The following PCNX1 variants were observed in gnomAD, a reference collection of about 807,000 sequenced individuals.
The protein encoded by PCNX1 is pecanex 1.
Under a neutral mutation model 242.2 loss-of-function variants are expected in PCNX1, and 78 were observed. The observed-to-expected ratio is 0.32, with a 90% CI of 0.27 to 0.39. The LOEUF (loss-of-function observed/expected upper bound fraction) is 0.39. Ranked by LOEUF, PCNX1 falls within the 10% of genes least tolerant of loss-of-function variation. PCNX1 has a pLI of 1.00. For missense variants in PCNX1, 2,581 were observed against 2,856.5 expected (o/e 0.90, Z 2.20); for synonymous variants, 1,024 against 1,032.9 (o/e 0.99, Z 0.17).
chr14:70,953,997 C>T (rs535138927), intron 2 of PCNX1, among the ~76,000 whole-genome samples: 9 of 152,238 alleles, frequency 5.9e-5, no homozygotes, highest in South Asian at 2.1e-4. Context: ...ATTTTCTACA[C>T]GGAGATCAGA....
At chr14:70,927,630 C>T (rs572207699) in intron 1 of PCNX1, among the ~76,000 whole-genome samples, 1 of 151,652 alleles carries the variant, frequency 6.6e-6, no homozygotes, top group Non-Finnish European at 1.5e-5. Context: ...CACTCTCTTG[C>T]CCAGGCTGGA....
chr14:71,071,055 A>T (rs772436566), intron 26 of PCNX1, among the ~76,000 whole-genome samples: 6 of 152,238 alleles, frequency 3.9e-5, no homozygotes, highest in African/African-American at 9.6e-5. Flanking sequence ...TTATGAAGAC[A>T]GCTTCTTTCC....
At chr14:71,030,040 A>T (rs2060338947) in intron 16 of PCNX1, among the ~76,000 whole-genome samples, 1 of 152,212 alleles carries the variant, frequency 6.6e-6, no homozygotes, top group South Asian at 2.1e-4. Flanking sequence ...ATACCTAGAA[A>T]TGGAATTAAC....
In PCNX1 at chr14:70,968,364, G is replaced by T. The variant is rs143384030; in HGVS notation, c.514+121G>T. The stretch of plus-strand genomic sequence containing the variant: ...AAATCATTCTTGAAATTCTTTTATA[G>T]ATAAAATTATTTATCTTATTAAAGG... On this transcript the variant is annotated intron_variant, in intron 4 of 35. Transcript: ENST00000304743. The T allele has an allele frequency of 9.1e-5, 54 of 591,420 alleles. No homozygotes were observed. In the Admixed American group the frequency reaches 1.7e-3, roughly 19 times the overall value. 36.6% of individuals were successfully genotyped at this position (591,420 alleles called of 1,614,324 possible).
At chr14:71,046,586 G>T (rs2060867397) in intron 20 of PCNX1, among the ~76,000 whole-genome samples, 1 of 151,890 alleles carries the variant, frequency 6.6e-6, no homozygotes. Flanking sequence ...AAATATTATT[G>T]GCAATGAAAG....
intron 19 of PCNX1, among the ~76,000 whole-genome samples, chr14:71,037,186 G>T (rs201711786): frequency 1.4e-3 from 209 of 149,638 alleles, no homozygotes; most frequent in Non-Finnish European, 2.4e-3. Flanking sequence ...AGGAGATTTT[G>T]GGCTGAGACA....
At position 71,026,100 on chromosome 14, in the gene PCNX1, A is replaced by G; in HGVS notation, c.3184-17A>G. On this transcript the variant is annotated splice_polypyrimidine_tract_variant and intron_variant, in intron 13 of 35. Transcript: ENST00000304743. The stretch of plus-strand genomic sequence containing the variant: ...TTAAAATTAACCAAACTGACTTTTA[A>G]AAAATATCATTTTCAGGGTCATAAT... 6.6e-7 allele frequency: 1 copy of G among 1,510,630 alleles called. No individual in the cohort carries two copies. The highest frequency in any genetic ancestry group is 9.0e-7 in the Non-Finnish European group (1 of 1,116,174). The allele number at this position is 1,510,630 out of a possible 1,614,324, so 93.6% of individuals were successfully genotyped here.
intron 8 of PCNX1, among the ~76,000 whole-genome samples, chr14:71,006,127 G>C (rs1249158273): frequency 8.9e-4 from 89 of 100,128 alleles, no homozygotes; most frequent in African/African-American, 7.4e-4. Context: ...GTGTGTGTGT[G>C]TGTGTGTGTG....
intron 26 of PCNX1, among the ~76,000 whole-genome samples, chr14:71,061,492 C>A (rs535290905): frequency 6.6e-6 from 1 of 152,334 alleles, no homozygotes; most frequent in Admixed American, 6.5e-5. Flanking sequence ...CAAACACCCA[C>A]CTCTCTGATC....
chr14:70,950,274 T>C (rs968749774), intron 2 of PCNX1, among the ~76,000 whole-genome samples: 2 of 152,172 alleles, frequency 1.3e-5, no homozygotes, highest in African/African-American at 4.8e-5. Context: ...TAAACTATTA[T>C]ATTCCCAGTT....
At chr14:71,076,828 T>G (rs2061730970) in intron 28 of PCNX1, among the ~76,000 whole-genome samples, 1 of 152,256 alleles carries the variant, frequency 6.6e-6, no homozygotes, top group Admixed American at 6.5e-5. Flanking sequence ...ATGGACTTTC[T>G]GCAGTGTTGG....
intron 1 of PCNX1, among the ~76,000 whole-genome samples, chr14:70,920,915 G>C (rs2056349548): frequency 6.6e-6 from 1 of 152,108 alleles, no homozygotes; most frequent in Non-Finnish European, 1.5e-5. Context: ...ACCTTTATGA[G>C]GTTATTTGTG....
chr14:71,069,549 C>T (rs2061538991), intron 26 of PCNX1, among the ~76,000 whole-genome samples: 1 of 152,062 alleles, frequency 6.6e-6, no homozygotes, highest in Non-Finnish European at 1.5e-5. Flanking sequence ...GGGTTCAGAC[C>T]ACTGCAGTAA....
At chr14:71,031,683 G>T in intron 16 of PCNX1, 1 of 762,868 alleles carries the variant, frequency 1.3e-6, no homozygotes, top group Non-Finnish European at 2.3e-6. Flanking sequence ...GCTCACGTCT[G>T]TACATGAGCC....
In PCNX1 at chr14:70,916,462, A is replaced by C. The variant is rs189600242; in HGVS notation, c.153+8459A>C. On this transcript the variant is annotated intron_variant, in intron 1 of 35. Coordinates refer to ENST00000304743, the MANE Select transcript of PCNX1 (RefSeq NM_014982.3). Reference sequence around the variant, plus strand: ...TACAGGCGTACCTTGGAGATATTGCAAGTTTGGTTCCAGATCACTGCGATA... The same window carrying C: ...TACAGGCGTACCTTGGAGATATTGCCAGTTTGGTTCCAGATCACTGCGATA... Among the ~76,000 whole-genome samples the C allele has an allele frequency of 2.0e-3, 298 of 152,296 alleles. 2 individuals are homozygous for C. Among genetic ancestry groups the C allele is most frequent in the African/African-American group, 6.5e-3 (272 of 41,572 alleles).
Position 71,109,596 on chromosome 14 carries a change from A to G in PCNX1, c.6885+4A>G. The G allele has an allele frequency of 6.2e-7, 1 of 1,614,112 alleles. No homozygotes were observed. Among genetic ancestry groups the G allele is most frequent in the Non-Finnish European group, 8.5e-7 (1 of 1,179,974 alleles). Reference sequence around the variant, plus strand: ...GCAGGAGGGCATGGAAGGCCATGTAAGTTCTTTTACAAGCTGGCGGTCTGG... The same window carrying G: ...GCAGGAGGGCATGGAAGGCCATGTAGGTTCTTTTACAAGCTGGCGGTCTGG... On this transcript the variant is annotated splice_donor_region_variant and intron_variant, in intron 35 of 35. Transcript: ENST00000304743.
chr14:71,085,106 G>A (rs1343668898), intron 28 of PCNX1, among the ~76,000 whole-genome samples: 4 of 152,126 alleles, frequency 2.6e-5, no homozygotes, highest in Non-Finnish European at 4.4e-5. Flanking sequence ...CAAGTTCCCC[G>A]ACCTCTTGTG....
At chr14:71,001,048 G>T (rs1281618606) in intron 8 of PCNX1, among the ~76,000 whole-genome samples, 1 of 152,134 alleles carries the variant, frequency 6.6e-6, no homozygotes, top group African/African-American at 2.4e-5. Context: ...TAGGTTTATT[G>T]TCAGGATTAT....
chr14:71,067,210 T>C (rs2061469341), intron 26 of PCNX1, among the ~76,000 whole-genome samples: 1 of 152,188 alleles, frequency 6.6e-6, no homozygotes, highest in Non-Finnish European at 1.5e-5. Flanking sequence ...TTTATACCTC[T>C]GGTAGAATTC....
Sources: allele counts gnomAD v4.1 joint callset (sites outside exome capture counted in the v4.1 genomes callset), GRCh38; gene constraint gnomAD v4.1.1; transcripts MANE v1.5; gene names NCBI Gene and HGNC (gene_info 2026-07-23, HGNC 2026-07-21).